Variants in USH2A observed in about 807,000 individuals in gnomAD.
USH2A encodes Usher syndrome 2A (autosomal recessive, mild).
In USH2A, 443 loss-of-function variants were observed where a neutral mutation model predicts 538.9. The ratio of observed to expected loss-of-function variants is 0.82; its 90% confidence interval spans 0.76 to 0.89. The LOEUF is 0.89. USH2A is among the 40% of genes least tolerant of loss of function. The probability of loss-of-function intolerance (pLI) is 0.00; values close to 1 mark genes in which losing one functional copy is unlikely to be tolerated. For missense variants in USH2A, 6,633 were observed against 6,324.8 expected (o/e 1.05, Z -1.65); for synonymous variants, 2,413 against 2,273.5 (o/e 1.06, Z -1.75).
chr1:215,908,010 A>G (rs769357300), intron 38 of USH2A, among the ~76,000 whole-genome samples: 4 of 152,094 alleles, frequency 2.6e-5, no homozygotes, highest in Non-Finnish European at 5.9e-5. Flanking sequence ...TATTTTTAAC[A>G]TAAGTGAGAT....
At chr1:215,987,906 C>G (rs1667909382) in intron 35 of USH2A, among the ~76,000 whole-genome samples, 1 of 151,670 alleles carries the variant, frequency 6.6e-6, no homozygotes, top group South Asian at 2.1e-4. Context: ...ATGCATACTT[C>G]ATGCATAGAT....
At chr1:215,831,557 T>C (rs116544538) in intron 47 of USH2A, among the ~76,000 whole-genome samples, 2 of 152,110 alleles carry the variant, frequency 1.3e-5, no homozygotes, top group Admixed American at 6.6e-5. Flanking sequence ...TAGAAACTTA[T>C]CTGAAAAATC....
intron 32 of USH2A, among the ~76,000 whole-genome samples, chr1:216,006,033 T>C (rs1298282728): frequency 2.0e-5 from 3 of 152,160 alleles, no homozygotes; most frequent in Non-Finnish European, 2.9e-5. Flanking sequence ...CTCTCCTCTA[T>C]GACTTCAGCA....
chr1:216,418,484 C>T (rs2102783657), intron 3 of USH2A, 30 bp downstream of exon 3: 4 of 1,608,436 alleles, frequency 2.5e-6, no homozygotes, highest in Non-Finnish European at 3.4e-6. Flanking sequence ...TGTGTTTAAC[C>T]AAATGTTAAA....
intron 35 of USH2A, among the ~76,000 whole-genome samples, chr1:215,983,149 C>T (rs573309141): frequency 3.3e-4 from 50 of 152,154 alleles, no homozygotes; most frequent in African/African-American, 1.2e-3. Flanking sequence ...CGGGGTTTCG[C>T]CATGTTGGCC....
chr1:216,372,314 A>T (rs1299385208), intron 3 of USH2A, among the ~76,000 whole-genome samples: 1 of 151,912 alleles, frequency 6.6e-6, no homozygotes, highest in Non-Finnish European at 1.5e-5. Flanking sequence ...CTCCATTCCC[A>T]CACCTTCACA....
chr1:216,279,111 G>C (rs940262718), intron 11 of USH2A, among the ~76,000 whole-genome samples: 1 of 151,546 alleles, frequency 6.6e-6, no homozygotes, highest in Non-Finnish European at 1.5e-5. Context: ...ATTTATTTCT[G>C]TTCTGTTGCT....
chr1:216,301,564 TCTG>T (rs1304442797), intron 9 of USH2A, among the ~76,000 whole-genome samples: 1 of 152,178 alleles, frequency 6.6e-6, no homozygotes, highest in Admixed American at 6.5e-5. Context: ...ATCTTTACTT[TCTG>T]CTGAGTCTAA....
At chr1:216,009,393 C>T (rs1451673028) in intron 32 of USH2A, among the ~76,000 whole-genome samples, 1 of 152,178 alleles carries the variant, frequency 6.6e-6, no homozygotes, top group African/African-American at 2.4e-5. Flanking sequence ...ACAATACAAA[C>T]TCAACAGTAG....
chr1:216,146,332 C>A (rs1396390021), intron 21 of USH2A, among the ~76,000 whole-genome samples: 1 of 152,160 alleles, frequency 6.6e-6, no homozygotes, highest in African/African-American at 2.4e-5. Flanking sequence ...CTGGTAGAGA[C>A]AAAAGAGACA....
chr1:216,312,125 C>G (rs1053883025), intron 9 of USH2A, among the ~76,000 whole-genome samples: 5 of 151,362 alleles, frequency 3.3e-5, no homozygotes, highest in Admixed American at 6.6e-5. Context: ...AAGTATTTTT[C>G]CTTTACTTTT....
At chr1:216,097,623 G>A (rs911609918) in intron 21 of USH2A, among the ~76,000 whole-genome samples, 2 of 152,082 alleles carry the variant, frequency 1.3e-5, no homozygotes, top group Non-Finnish European at 2.9e-5. Flanking sequence ...TTAAAGAATC[G>A]GTTCAGTAAT....
intron 4 of USH2A, among the ~76,000 whole-genome samples, chr1:216,336,911 T>C (rs1047549676): frequency 4.0e-5 from 6 of 151,452 alleles, no homozygotes; most frequent in African/African-American, 1.5e-4. Flanking sequence ...AATCGTGGCA[T>C]TGGATTGGAT....
chr1:216,382,498 T>C lies in USH2A; in HGVS notation c.652-17413A>G, dbSNP rs73100676. Among the ~76,000 whole-genome samples, 1,154 of 152,288 alleles carry C rather than the reference T, an allele frequency of 7.6e-3. 7 individuals carry two copies. The highest frequency in any genetic ancestry group is 0.034 in the East Asian group (178 of 5,178). On this transcript the variant is annotated intron_variant, in intron 3 of 71. Coordinates refer to ENST00000307340, the MANE Select transcript of USH2A (RefSeq NM_206933.4). ...AGGCTGAACAGTTGTCAGAGCTAAG[T>C]CATTAAGGGTCTCCATTCCAACTGA... is the stretch of plus-strand genomic sequence containing the variant.
intron 48 of USH2A, among the ~76,000 whole-genome samples, chr1:215,816,244 T>G (rs1368972958): frequency 6.6e-6 from 1 of 152,076 alleles, no homozygotes; most frequent in Non-Finnish European, 1.5e-5. Context: ...TAATGATAAT[T>G]TTAGAGTCTA....
At position 216,089,095 on chromosome 1, in the gene USH2A, T is replaced by C; in HGVS notation, c.4803A>G (p.Gln1601=). 6.2e-7 allele frequency: 1 copy of C among 1,613,426 alleles called. No homozygotes were observed. The highest frequency in any genetic ancestry group is 2.2e-5 in the East Asian group (1 of 44,824). The part of the protein sequence containing the change: ...EVTTTNDHGK[Q]YSDGKWHEII... ...TTTCATGCCATTTTCCATCACTATA[T>C]TGTTTGCCATGATCATTAGTTGTAG... Residue 1601 remains glutamine (Q), a synonymous_variant, in exon 23 of 72, where the codon CAA becomes CAG. Transcript: ENST00000307340.
At chr1:216,111,557 A>C (rs1035816186) in intron 21 of USH2A, among the ~76,000 whole-genome samples, 1 of 152,062 alleles carries the variant, frequency 6.6e-6, no homozygotes, top group Non-Finnish European at 1.5e-5. Context: ...AATCAGAATG[A>C]TATGACTCAG....
At chr1:215,646,462 G>A (rs1656855145) in intron 67 of USH2A, among the ~76,000 whole-genome samples, 1 of 152,030 alleles carries the variant, frequency 6.6e-6, no homozygotes, top group Admixed American at 6.6e-5. Context: ...GACATTTTGA[G>A]CAAGACTGCA....
intron 37 of USH2A, among the ~76,000 whole-genome samples, chr1:215,961,132 G>T (rs1249715324): frequency 6.6e-6 from 1 of 151,990 alleles, no homozygotes; most frequent in South Asian, 2.1e-4. Context: ...ATTTGTAAAA[G>T]TTAGATGAAC....
Sources: gnomAD v4.1 joint callset for allele counts (sites outside exome capture counted in the v4.1 genomes callset) on GRCh38, gnomAD v4.1.1 for gene constraint, MANE v1.5 for transcripts, NCBI Gene and HGNC (gene_info 2026-07-23, HGNC 2026-07-21) for gene names.